Variants in TULP3 observed in about 807,000 individuals in gnomAD.
The protein encoded by TULP3 is tubby-related protein 3.
Under a neutral mutation model 50.7 loss-of-function variants are expected in TULP3, and 38 were observed. The observed-to-expected ratio is 0.75, with a 90% CI of 0.58 to 0.98. The LOEUF is 0.98. Among genes scored for constraint, TULP3 ranks in the 50% least tolerant of loss-of-function variants. The probability of loss-of-function intolerance (pLI) is 0.00; values close to 1 mark genes in which losing one functional copy is unlikely to be tolerated. For missense variants in TULP3, 550 were observed against 568.0 expected (o/e 0.97, Z 0.32); for synonymous variants, 183 against 196.6 (o/e 0.93, Z 0.58).
At chr12:2,894,329 A>C (rs137962055) in intron 1 of TULP3, among the ~76,000 whole-genome samples, 1,938 of 150,954 alleles carry the variant, frequency 0.013, 51 homozygotes, top group African/African-American at 0.044. Flanking sequence ...TGAGGTCACG[A>C]GTTCAAGACC....
At chr12:2,932,969 G>C (rs776548837) in intron 6 of TULP3, among the ~76,000 whole-genome samples, 1 of 151,156 alleles carries the variant, frequency 6.6e-6, no homozygotes, top group Non-Finnish European at 1.5e-5. Context: ...TTGAGACAGA[G>C]TCTCATTCTG....
intron 10 of TULP3, 39 bp downstream of exon 10, chr12:2,938,324 A>C (rs761600958): frequency 1.3e-5 from 20 of 1,596,282 alleles, no homozygotes; most frequent in Admixed American, 1.7e-5. Context: ...AGAGGAGGAC[A>C]GATGCTCTTA....
intron 1 of TULP3, among the ~76,000 whole-genome samples, chr12:2,898,898 CA>C (rs2098177147): frequency 6.6e-6 from 1 of 152,026 alleles, no homozygotes; most frequent in Non-Finnish European, 1.5e-5. Context: ...AGGCTGGTCT[CA>C]AACTCCTGGC....
intron 4 of TULP3, 80 bp from the exon 5 acceptor site, chr12:2,930,168 A>C: frequency 9.9e-7 from 1 of 1,012,310 alleles, no homozygotes; most frequent in South Asian, 1.5e-5. Context: ...GTTTTAAGCA[A>C]GAAAATTAAA....
intron 1 of TULP3, among the ~76,000 whole-genome samples, chr12:2,897,340 T>G (rs1403135496): frequency 6.6e-6 from 1 of 152,080 alleles, no homozygotes; most frequent in African/African-American, 2.4e-5. Context: ...GGGAAATTAT[T>G]AGAAATTTCT....
chr12:2,931,004 C>T, intron 5 of TULP3, 33 bp from the exon 6 acceptor site: 2 of 1,611,544 alleles, frequency 1.2e-6, no homozygotes, highest in South Asian at 2.2e-5. Flanking sequence ...TGAGTCTCGG[C>T]CTGTTGTTGC....
chr12:2,924,213 G>C (rs2098193429), intron 4 of TULP3, among the ~76,000 whole-genome samples: 1 of 152,136 alleles, frequency 6.6e-6, no homozygotes, highest in Non-Finnish European at 1.5e-5. Context: ...AGTGATATTT[G>C]AGCTAGTGCC....
intron 1 of TULP3, among the ~76,000 whole-genome samples, chr12:2,896,833 A>G (rs1460333848): frequency 1.3e-5 from 2 of 152,198 alleles, no homozygotes; most frequent in Non-Finnish European, 2.9e-5. Context: ...ATGAGATTAT[A>G]GTGCCTACTT....
chr12:2,918,042 G>A lies in TULP3; in HGVS notation c.94-2721G>A, dbSNP rs376439137. Reference sequence around the variant, plus strand: ...AGGCAGAGATTGCAAGTGAGTTGAGGTTGCACCATTGCACTCCAGCCTGGG... The same window carrying A: ...AGGCAGAGATTGCAAGTGAGTTGAGATTGCACCATTGCACTCCAGCCTGGG... On this transcript the variant is annotated intron_variant, in intron 2 of 10. Coordinates refer to ENST00000448120, the MANE Select transcript of TULP3 (RefSeq NM_003324.5). 8.6e-5 allele frequency among the ~76,000 whole-genome samples: 13 copies of A among 151,778 alleles called. 1 individual carries two copies. In the East Asian group the frequency reaches 2.0e-3, roughly 23 times the overall value.
chr12:2,892,167 A>G (rs1295972221), intron 1 of TULP3, among the ~76,000 whole-genome samples: 1 of 152,160 alleles, frequency 6.6e-6, no homozygotes, highest in Non-Finnish European at 1.5e-5. Flanking sequence ...ATTTTTAAAA[A>G]TTGTCACAAA....
At chr12:2,933,107 T>A (rs1322350278) in intron 6 of TULP3, among the ~76,000 whole-genome samples, 1 of 152,084 alleles carries the variant, frequency 6.6e-6, no homozygotes, top group African/African-American at 2.4e-5. Flanking sequence ...CACGCCCAGC[T>A]AATTTTTTGT....
rs1005893818 is a variant in TULP3 at position 2,917,591 on chromosome 12, T to G, written c.94-3172T>G. Among the ~76,000 whole-genome samples, 21 of 152,208 alleles carry G rather than the reference T, an allele frequency of 1.4e-4. No homozygotes were observed. In the South Asian group the frequency reaches 2.9e-3, roughly 21 times the overall value. On this transcript the variant is annotated intron_variant, in intron 2 of 10. Coordinates refer to ENST00000448120, the MANE Select transcript of TULP3 (RefSeq NM_003324.5). ...AACTCCTTTTCTATAGAAAATATTT[T>G]CCTTGGCCAGGTACGGTGGCTCATG...
At chr12:2,925,403 G>T (rs1369667140) in intron 4 of TULP3, among the ~76,000 whole-genome samples, 1 of 152,158 alleles carries the variant, frequency 6.6e-6, no homozygotes, top group Non-Finnish European at 1.5e-5. Flanking sequence ...GAATTGCTCT[G>T]CTAGGGCAAT....
chr12:2,911,664 CTTTTTTTTTTTTTTTTTTTTTTTT>C (rs56027951), intron 2 of TULP3, among the ~76,000 whole-genome samples: 44 of 38,170 alleles, frequency 1.2e-3, no homozygotes, highest in East Asian at 9.2e-3. Context: ...TGCGCCCAGC[CTTTTTTTTTTTTTTTTTTTTTTTT>C]TTTTTTTTTT....
At chr12:2,934,175 G>A (rs1330235859) in intron 7 of TULP3, among the ~76,000 whole-genome samples, 1 of 152,148 alleles carries the variant, frequency 6.6e-6, no homozygotes, top group Non-Finnish European at 1.5e-5. Context: ...TTGAGCCTGG[G>A]AGTTTGAGGC....
intron 8 of TULP3, 114 bp from the exon 9 acceptor site, chr12:2,937,517 A>T: frequency 1.3e-6 from 1 of 799,548 alleles, no homozygotes; most frequent in South Asian, 1.5e-5. Flanking sequence ...GCCCCGGCTG[A>T]TACAGCTGAT....
chr12:2,905,377 G>A (rs1396220791), intron 1 of TULP3, among the ~76,000 whole-genome samples: 2 of 151,640 alleles, frequency 1.3e-5, no homozygotes, highest in Admixed American at 1.3e-4. Context: ...GTAGAGACGG[G>A]GTTTCACCAT....
intron 2 of TULP3, among the ~76,000 whole-genome samples, chr12:2,912,351 C>G (rs2098186166): frequency 6.6e-6 from 1 of 152,178 alleles, no homozygotes; most frequent in Admixed American, 6.5e-5. Context: ...CAGCTCAGCC[C>G]AGGCATCCCA....
At chr12:2,892,614 T>G (rs1299438026) in intron 1 of TULP3, among the ~76,000 whole-genome samples, 1 of 151,876 alleles carries the variant, frequency 6.6e-6, no homozygotes, top group African/African-American at 2.4e-5. Context: ...CGGGTTCAAG[T>G]GATTCTCCTG....
Sources: allele counts gnomAD v4.1 joint callset (sites outside exome capture counted in the v4.1 genomes callset), GRCh38; gene constraint gnomAD v4.1.1; transcripts MANE v1.5; gene names NCBI Gene and HGNC (gene_info 2026-07-23, HGNC 2026-07-21).